The following LPA variants were observed in gnomAD, a reference collection of about 807,000 sequenced individuals.
LPA encodes lipoprotein(a).
Under a neutral mutation model 197.9 loss-of-function variants are expected in LPA, and 199 were observed. The ratio of observed to expected loss-of-function variants is 1.01; its 90% CI spans 0.90 to 1.13. The LOEUF (loss-of-function observed/expected upper bound fraction) is 1.13, where lower values mean the gene tolerates loss of function less well. Ranked by LOEUF, LPA falls within the 50% of genes most tolerant of loss-of-function variation. The pLI, the probability that LPA is intolerant of heterozygous loss-of-function variation, is 0.00. For synonymous variants in LPA, 715 were observed against 639.5 expected, an observed-to-expected ratio of 1.12 and a Z score of -1.78; for missense variants, 1,853 against 1,785.8, an observed-to-expected ratio of 1.04 and a Z score of -0.68.
intron 28 of LPA, among the ~76,000 whole-genome samples, chr6:160,575,293 A>C (rs1334303859): frequency 6.6e-6 from 1 of 152,150 alleles, no homozygotes; most frequent in Non-Finnish European, 1.5e-5. Context: ...TCACAAGATC[A>C]AATGATCATA....
At chr6:160,609,138 AATTCTTCT>A (rs1243747413) in intron 16 of LPA, among the ~76,000 whole-genome samples, 3 of 151,848 alleles carry the variant, frequency 2.0e-5, no homozygotes, top group African/African-American at 7.3e-5. Flanking sequence ...ATTTTCATGC[AATTCTTCT>A]ATTCTTCTTA....
rs763827432 is a variant in LPA at position 160,557,631 on chromosome 6, C to T, written c.4632-60G>A. The T allele has an allele frequency of 1.5e-5, 21 of 1,437,610 alleles. No individual in the cohort carries two copies. The African/African-American group carries it at 2.2e-4, about 15-fold the overall frequency. The allele number at this position is 1,437,610 out of a possible 1,614,324, so 89.1% of individuals were successfully genotyped here. On this transcript the variant is annotated intron_variant, in intron 28 of 38. Coordinates refer to ENST00000316300, the MANE Select transcript of LPA (RefSeq NM_005577.4). The stretch of plus-strand genomic sequence containing the variant: ...CGGGAAAAAATTCAGGGGCACCCAG[C>T]GCTGTCTAAACTTTGTTATAACAAA...
intron 2 of LPA, among the ~76,000 whole-genome samples, chr6:160,647,963 C>T (rs1779931933): frequency 6.6e-6 from 1 of 152,168 alleles, no homozygotes; most frequent in Non-Finnish European, 1.5e-5. Context: ...TTCTTCTTCT[C>T]CTTAATTCCT....
At chr6:160,555,237 T>A (rs1778234211) in intron 30 of LPA, among the ~76,000 whole-genome samples, 1 of 110,966 alleles carries the variant, frequency 9.0e-6, no homozygotes, top group African/African-American at 3.5e-5. Flanking sequence ...TTATATATAT[T>A]AATTATATTA....
intron 20 of LPA, among the ~76,000 whole-genome samples, chr6:160,599,200 G>T (rs569226125): frequency 6.6e-6 from 1 of 152,108 alleles, no homozygotes; most frequent in African/African-American, 2.4e-5. Context: ...AAAATTAGCC[G>T]GGTGTGGTGG....
intron 2 of LPA, among the ~76,000 whole-genome samples, chr6:160,647,254 G>A (rs993153709): frequency 1.3e-5 from 2 of 152,150 alleles, no homozygotes; most frequent in African/African-American, 2.4e-5. Flanking sequence ...CAGCTATGGA[G>A]GAGCAAAAAA....
In LPA at chr6:160,556,202, C is replaced by T. The variant is rs1182497293; in HGVS notation, c.4814-18G>A. The T allele has an allele frequency of 3.1e-6, 5 of 1,613,344 alleles. No individual in the cohort carries two copies. The East Asian group carries it at 8.9e-5, about 29-fold the overall frequency. On this transcript the variant is annotated intron_variant, in intron 29 of 38. Transcript: ENST00000316300. ...AGTTGGTGCTGAAAATAGACAAAAT[C>T]AAGCTGAGTAACTACTAGTATGCAG...
chr6:160,591,702 G>C (rs995684721), intron 22 of LPA, among the ~76,000 whole-genome samples: 1 of 152,084 alleles, frequency 6.6e-6, no homozygotes, highest in African/African-American at 2.4e-5. Flanking sequence ...CTCCCTCCTT[G>C]GTCTGTCATC....
chr6:160,604,004 G>A (rs184929473), intron 18 of LPA, among the ~76,000 whole-genome samples: 30 of 152,210 alleles, frequency 2.0e-4, no homozygotes, highest in Middle Eastern at 3.4e-3. Flanking sequence ...CTGTTCAATC[G>A]CAGTTGCTAT....
chr6:160,535,357 C>T (rs887003441), intron 37 of LPA, among the ~76,000 whole-genome samples: 5 of 116,872 alleles, frequency 4.3e-5, no homozygotes, highest in South Asian at 6.1e-4. Flanking sequence ...TTGGTAGTAG[C>T]GGTGGTAATG....
chr6:160,607,980 T>C lies in LPA; in HGVS notation c.2604-1322A>G, dbSNP rs1255462643. On this transcript the variant is annotated intron_variant, in intron 16 of 38. Coordinates refer to ENST00000316300, the MANE Select transcript of LPA (RefSeq NM_005577.4). ...TGTGCATGAGGTAAGAAACTTACAA[T>C]GGTACACTTCTAATTATTCCCTACA... 2.6e-5 allele frequency among the ~76,000 whole-genome samples: 4 copies of C among 152,202 alleles called. No individual in the cohort carries two copies. In the East Asian group the frequency reaches 5.8e-4, roughly 22 times the overall value.
intron 30 of LPA, among the ~76,000 whole-genome samples, chr6:160,553,095 T>C (rs1778192122): frequency 6.6e-6 from 1 of 152,218 alleles, no homozygotes; most frequent in African/African-American, 2.4e-5. Context: ...AACAGTATAC[T>C]TCCAGTTATC....
chr6:160,558,344 C>T (rs921887597), intron 28 of LPA, among the ~76,000 whole-genome samples: 2 of 152,150 alleles, frequency 1.3e-5, no homozygotes, highest in African/African-American at 4.8e-5. Flanking sequence ...GAAACAACAT[C>T]CAACATGATA....
At chr6:160,584,168 A>G (rs1778850915) in intron 26 of LPA, among the ~76,000 whole-genome samples, 1 of 123,248 alleles carries the variant, frequency 8.1e-6, no homozygotes, top group South Asian at 2.7e-4. Context: ...ACTCATTTCT[A>G]TTTTCTTCTT....
At position 160,650,457 on chromosome 6, in the gene LPA, A is replaced by G. The variant is rs953864056; in HGVS notation, c.90T>C (p.His30=). 3 of 1,613,882 alleles carry G rather than the reference A, an allele frequency of 1.9e-6. No individual in the cohort carries two copies. The highest frequency in any genetic ancestry group is 2.5e-6 in the Non-Finnish European group (3 of 1,179,808). The change falls in exon 2 of 39, where the codon CAT becomes CAC. Residue 30 remains histidine (H), a synonymous_variant. Coordinates refer to ENST00000316300, the MANE Select transcript of LPA (RefSeq NM_005577.4). ...TGCCTCGATAACTCTGTCCATCACC[A>G]TGGTAGCAATCCTGGACCACATGGC... ...EQSHVVQDCY[H]GDGQSYRGTY...
At chr6:160,591,147 AC>A (rs747367886) in intron 22 of LPA, 46 bp from the exon 23 acceptor site, 1 of 1,608,786 alleles carries the variant, frequency 6.2e-7, no homozygotes, top group South Asian at 1.1e-5. Context: ...GGGAGAAGAT[AC>A]AAGGGCACCA....
At chr6:160,562,232 G>A (rs553473124) in intron 28 of LPA, among the ~76,000 whole-genome samples, 2 of 152,282 alleles carry the variant, frequency 1.3e-5, no homozygotes, top group African/African-American at 4.8e-5. Flanking sequence ...ATTATTTTGA[G>A]ACATGCTCCA....
intron 2 of LPA, among the ~76,000 whole-genome samples, chr6:160,647,385 C>T (rs551956816): frequency 6.0e-4 from 92 of 152,256 alleles, no homozygotes; most frequent in African/African-American, 2.2e-3. Context: ...CATTCATGAC[C>T]TGTGGCTGCC....
intron 17 of LPA, 145 bp from the exon 18 acceptor site, chr6:160,605,350 T>C (rs1779325612): frequency 3.9e-6 from 4 of 1,019,890 alleles, no homozygotes; most frequent in South Asian, 1.4e-5. Context: ...TTTCTTTATT[T>C]GTAGGCAGAT....
Sources: gnomAD v4.1 joint callset for allele counts (sites outside exome capture counted in the v4.1 genomes callset) on GRCh38, gnomAD v4.1.1 for gene constraint, MANE v1.5 for transcripts, NCBI Gene and HGNC (gene_info 2026-07-23, HGNC 2026-07-21) for gene names.